Variants in MYO3A observed in about 807,000 individuals in gnomAD.
MYO3A encodes the protein myosin IIIA.
Under a neutral mutation model 192.7 loss-of-function variants are expected in MYO3A, and 180 were observed. The ratio of observed to expected loss-of-function variants is 0.93; its 90% CI spans 0.83 to 1.06. MYO3A has a LOEUF of 1.06. MYO3A is among the 50% of genes least tolerant of loss of function. The pLI is 0.00. For missense variants in MYO3A, 1,896 were observed against 1,905.0 expected, an observed-to-expected ratio of 1.00 and a Z score of 0.09; for synonymous variants, 628 against 645.3, an observed-to-expected ratio of 0.97 and a Z score of 0.41.
intron 15 of MYO3A, among the ~76,000 whole-genome samples, chr10:26,095,903 G>T (rs919001709): frequency 6.6e-6 from 1 of 152,156 alleles, no homozygotes; most frequent in Non-Finnish European, 1.5e-5. Flanking sequence ...CAACTCTGTG[G>T]CTTTGGGGGA....
chr10:26,166,502 C>CTTAAGT (rs555173668), intron 27 of MYO3A, among the ~76,000 whole-genome samples: 351 of 152,196 alleles, frequency 2.3e-3, no homozygotes, highest in Non-Finnish European at 2.6e-3. Flanking sequence ...GATCACACCA[C>CTTAAGT]TGCACTCCAG....
At position 26,212,220 on chromosome 10, in the gene MYO3A, G is replaced by T. The variant is rs1221128255; in HGVS notation, c.*257G>T. ...CCGCACCCTCCTTTCTCACCAGCCC[G>T]CCAGTTGTGGCAACCCTGTCCTTGT... On this transcript the variant is annotated 3_prime_UTR_variant, in exon 35 of 35. Transcript: ENST00000642920. 5 of 520,724 alleles carry T rather than the reference G, an allele frequency of 9.6e-6. No individual in the cohort carries two copies. Among genetic ancestry groups the T allele is most frequent in the Admixed American group, 3.2e-5 (1 of 31,322 alleles). The allele number at this position is 520,724 out of a possible 1,614,324, so 32.3% of individuals were successfully genotyped here.
chr10:25,944,309 G>T (rs1442724131), intron 2 of MYO3A, among the ~76,000 whole-genome samples: 17 of 151,918 alleles, frequency 1.1e-4, no homozygotes, highest in Admixed American at 1.1e-3. Flanking sequence ...CCTGTATTTT[G>T]TTGAGGATTT....
At chr10:26,174,658 C>A in intron 30 of MYO3A, 101 bp downstream of exon 30, 1 of 1,029,472 alleles carries the variant, frequency 9.7e-7, no homozygotes, top group Non-Finnish European at 1.4e-6. Flanking sequence ...GTTTTATCTG[C>A]GTTGATGGGC....
At chr10:26,184,707 G>A (rs940734956) in intron 31 of MYO3A, among the ~76,000 whole-genome samples, 15 of 152,264 alleles carry the variant, frequency 9.9e-5, no homozygotes, top group East Asian at 9.6e-4. Flanking sequence ...CAACTGCAAC[G>A]TAAATAAATA....
At chr10:25,982,854 A>T (rs576696932) in intron 4 of MYO3A, among the ~76,000 whole-genome samples, 1 of 152,268 alleles carries the variant, frequency 6.6e-6, no homozygotes, top group South Asian at 2.1e-4. Flanking sequence ...AGGAACCAGA[A>T]AAACAATTCT....
Position 26,096,620 on chromosome 10 carries a change from T to G in MYO3A, c.1714T>G (p.Phe572Val), listed in dbSNP as rs780222118. 2.5e-6 allele frequency: 4 copies of G among 1,607,010 alleles called. No homozygotes were observed. In the East Asian group the frequency reaches 8.9e-5, roughly 36 times the overall value. The change falls in exon 17 of 35, where the codon TTC becomes GTC. Residue 572 changes from phenylalanine (F) to valine (V), a missense_variant. Transcript: ENST00000642920. ...RTVQDIMNNS[F>V]YKSQYELIEQ... ...AGTACAAGACATCATGAATAATAGT[T>G]TCTATAAATCCCAGTATGAATTAAT...
intron 14 of MYO3A, among the ~76,000 whole-genome samples, chr10:26,072,707 A>G (rs1446739289): frequency 6.6e-6 from 1 of 151,850 alleles, no homozygotes; most frequent in Admixed American, 6.6e-5. Context: ...TTTATAAAAA[A>G]AAAAATCTGT....
At chr10:26,050,832 G>A (rs1020925601) in intron 10 of MYO3A, among the ~76,000 whole-genome samples, 2 of 152,014 alleles carry the variant, frequency 1.3e-5, no homozygotes, top group Admixed American at 6.6e-5. Flanking sequence ...CACCCAAAAG[G>A]GATTTCCATA....
chr10:26,127,118 G>A (rs150249296), intron 19 of MYO3A, among the ~76,000 whole-genome samples: 117 of 152,222 alleles, frequency 7.7e-4, no homozygotes, highest in African/African-American at 2.7e-3. Flanking sequence ...GTATCTTGGA[G>A]CCTTTTAAGA....
chr10:26,074,255 C>T (rs2131411162), intron 14 of MYO3A, among the ~76,000 whole-genome samples: 1 of 152,204 alleles, frequency 6.6e-6, no homozygotes, highest in African/African-American at 2.4e-5. Flanking sequence ...AAGAGTGAGG[C>T]TGCATAGTTC....
At chr10:26,108,396 A>G (rs1206661754) in intron 17 of MYO3A, among the ~76,000 whole-genome samples, 2 of 152,254 alleles carry the variant, frequency 1.3e-5, no homozygotes, top group Admixed American at 1.3e-4. Flanking sequence ...TAAAACAAAC[A>G]AACAAAAAAC....
intron 6 of MYO3A, among the ~76,000 whole-genome samples, chr10:26,014,127 G>A (rs2131028701): frequency 6.6e-6 from 1 of 152,208 alleles, no homozygotes; most frequent in Non-Finnish European, 1.5e-5. Flanking sequence ...TCAGAAGAGA[G>A]TGAGCGGGAG....
At chr10:26,129,554 G>A (rs965358824) in intron 20 of MYO3A, among the ~76,000 whole-genome samples, 1 of 152,118 alleles carries the variant, frequency 6.6e-6, no homozygotes, top group African/African-American at 2.4e-5. Flanking sequence ...TCTGTAGCAT[G>A]GTCCTCTCTT....
At chr10:26,162,670 A>G (rs760374203) in intron 26 of MYO3A, among the ~76,000 whole-genome samples, 2 of 152,230 alleles carry the variant, frequency 1.3e-5, no homozygotes, top group East Asian at 1.9e-4. Context: ...TATAGAAACA[A>G]TCCTCTGGCT....
chr10:26,069,481 A>G (rs1564517204), intron 12 of MYO3A, among the ~76,000 whole-genome samples: 1 of 151,994 alleles, frequency 6.6e-6, no homozygotes, highest in Non-Finnish European at 1.5e-5. Flanking sequence ...TCTTCTGGCT[A>G]TTTGTGTACT....
rs1370638532 is a variant in MYO3A at position 26,070,335 on chromosome 10, A to G, written c.1293A>G (p.Gly431=). 6.2e-7 allele frequency: 1 copy of G among 1,613,164 alleles called. No individual in the cohort carries two copies. Among genetic ancestry groups the G allele is most frequent in the Non-Finnish European group, 8.5e-7 (1 of 1,179,464 alleles). The change falls in exon 14 of 35, where the codon GGA becomes GGG. Residue 431 remains glycine (G), a synonymous_variant. Transcript: ENST00000642920. ...YNSDQCIVIS[G]ESGAGKTENA... The stretch of plus-strand genomic sequence containing the variant: ...ATGTATAGTGCATTGTTATTTCTGG[A>G]GAAAGTGGTGCTGGAAAGACTGAAA...
At chr10:26,084,626 T>A (rs899219863) in intron 14 of MYO3A, among the ~76,000 whole-genome samples, 1 of 152,144 alleles carries the variant, frequency 6.6e-6, no homozygotes, top group Non-Finnish European at 1.5e-5. Flanking sequence ...GCTTCAGCCT[T>A]CCAAGTAGCT....
chr10:25,970,492 G>T (rs116362450), intron 4 of MYO3A, among the ~76,000 whole-genome samples: 5,866 of 151,922 alleles, frequency 0.039, 416 homozygotes, highest in African/African-American at 0.13. Flanking sequence ...AGAAAAAAAA[G>T]ATTTAATATC....
Sources: gnomAD v4.1 joint callset for allele counts (sites outside exome capture counted in the v4.1 genomes callset) on GRCh38, gnomAD v4.1.1 for gene constraint, MANE v1.5 for transcripts, NCBI Gene and HGNC (gene_info 2026-07-23, HGNC 2026-07-21) for gene names.